VTN: variants seen among roughly 807,000 people sequenced by gnomAD.
The protein encoded by VTN is vitronectin.
Under a neutral mutation model 55.9 loss-of-function variants are expected in VTN, and 45 were observed. The ratio of observed to expected loss-of-function variants is 0.80; its 90% CI spans 0.63 to 1.03. VTN has a LOEUF of 1.03. Among genes scored for constraint, VTN ranks in the 50% least tolerant of loss-of-function variants. The pLI is 0.00. For missense variants in VTN, 589 were observed against 638.2 expected, an observed-to-expected ratio of 0.92 and a Z score of 0.83; for synonymous variants, 238 against 242.3, an observed-to-expected ratio of 0.98 and a Z score of 0.17.
At chr17:28,368,844 G>T in intron 5 of VTN, 28 bp downstream of exon 5, 1 of 1,613,296 alleles carries the variant, frequency 6.2e-7, no homozygotes, top group Non-Finnish European at 8.5e-7. Context: ...TCCACTGCCT[G>T]CTCAGTCTCC....
In VTN at chr17:28,369,726, C is replaced by G. The variant is rs782515931; in HGVS notation, c.310G>C (p.Ala104Pro). 2 of 1,613,920 alleles carry G rather than the reference C, an allele frequency of 1.2e-6. No individual in the cohort carries two copies. Among genetic ancestry groups the G allele is most frequent in the Non-Finnish European group, 1.7e-6 (2 of 1,180,012 alleles). The change falls in exon 3 of 8, where the codon GCC becomes CCC. Residue 104 changes from alanine (A) to proline (P), a missense_variant. Physicochemically the swap from Ala to Pro is conservative, Grantham distance 27. This residue lies in a region of VTN where 217 missense variants were observed against 241.3 expected (regional missense o/e 0.90). Coordinates refer to ENST00000226218, the MANE Select transcript of VTN (RefSeq NM_000638.4). This position sits in a 1 kb window ranked among gnomAD's most constrained non-coding sequence, Gnocchi z 5.3. Reference protein sequence around the residue: ...GGPSLTSDLQAQSKGNPEQTP... With the variant: ...GGPSLTSDLQPQSKGNPEQTP... ...TGCTCAGGATTCCCTTTGGACTGGG[C>G]CTGGAGGTCAGAGGTCAGGGAGGGG... is the stretch of plus-strand genomic sequence containing the variant.
rs782005192 is a variant in VTN at position 28,369,541 on chromosome 17, G to T, written c.495C>A (p.Thr165=). ...LCSGKPFDAF[T]DLKNGSLFAF... ...CAAAGAGGGAACCGTTCTTGAGGTC[G>T]GTGAAGGCGTCGAAGGGCTTCCCAC... Residue 165 remains threonine, a synonymous_variant, in exon 3 of 8, where the codon ACC becomes ACA. Transcript: ENST00000226218. This position sits in a 1 kb window ranked among gnomAD's most constrained non-coding sequence, Gnocchi z 5.3. 1 of 1,609,522 alleles carries T rather than the reference G, an allele frequency of 6.2e-7. No homozygotes were observed. The highest frequency in any genetic ancestry group is 1.3e-5 in the African/African-American group (1 of 74,838).
Position 28,369,868 on chromosome 17 carries a change from G to A in VTN, c.185-17C>T, listed in dbSNP as rs2067937943. On this transcript the variant is annotated splice_polypyrimidine_tract_variant and intron_variant, in intron 2 of 7. Coordinates refer to ENST00000226218, the MANE Select transcript of VTN (RefSeq NM_000638.4). The surrounding 1 kb of genome is among the most constrained non-coding windows in gnomAD (Gnocchi z 5.3). ...CGCGAGTCACTGCAGAGAGTGGATG[G>A]TAGTGAGTCTCCAGCAGCAGGGGGC... The A allele has an allele frequency of 6.2e-7, 1 of 1,612,122 alleles. No individual in the cohort carries two copies. The highest frequency in any genetic ancestry group is 1.1e-5 in the South Asian group (1 of 91,070).
In VTN at chr17:28,367,782, GTCA is replaced by G; in HGVS notation, c.1254_1256del (p.Asp419del). 1 of 1,614,170 alleles carries G rather than the reference GTCA, an allele frequency of 6.2e-7. No homozygotes were observed. The highest frequency in any genetic ancestry group is 8.5e-7 in the Non-Finnish European group (1 of 1,180,050). The stretch of plus-strand genomic sequence containing the variant: ...CAGGCACAAGCCAGTCCATCCTGTA[GTCA>G]TCATAGTTGTTGGCTCCCAAGTTGC... On this transcript the variant is annotated inframe_deletion, in exon 7 of 8. Transcript: ENST00000226218.
Position 28,367,866 on chromosome 17 carries a change from C to A in VTN, c.1173G>T (p.Gln391His). The part of the protein sequence containing the change: ...SQRGHSRGRN[Q>H]NSRRPSRATW... ...TGGCGCGGGATGGCCGGCGGGAGTT[C>A]TGGTTGCGGCCACGGCTGTGGCCTC... Residue 391 changes from glutamine (Q) to histidine (H), a missense_variant, in exon 7 of 8, where the codon CAG becomes CAT. By Grantham distance (24) the Gln-to-His change is conservative. Coordinates refer to ENST00000226218, the MANE Select transcript of VTN (RefSeq NM_000638.4). 2 of 1,614,028 alleles carry A rather than the reference C, an allele frequency of 1.2e-6. No individual in the cohort carries two copies. The highest frequency in any genetic ancestry group is 2.2e-5 in the East Asian group (1 of 44,860).
In VTN at chr17:28,369,577, C is replaced by T. The variant is rs370834847; in HGVS notation, c.459G>A (p.Glu153=). The change falls in exon 3 of 8, where the codon GAG becomes GAA. Residue 153 remains glutamate (E), a synonymous_variant. Transcript: ENST00000226218. This position sits in a 1 kb window ranked among gnomAD's most constrained non-coding sequence, Gnocchi z 5.3. The part of the protein sequence containing the change: ...HPGRPQPPAE[E]ELCSGKPFDA... ...CGAAGGGCTTCCCACTGCACAGCTCCTCCTCTGCTGGGGGCTGAGGTCTCC... is the reference window on the plus strand; with the variant it reads ...CGAAGGGCTTCCCACTGCACAGCTCTTCCTCTGCTGGGGGCTGAGGTCTCC... 4.3e-6 allele frequency: 7 copies of T among 1,612,994 alleles called. No individual in the cohort carries two copies. The highest frequency in any genetic ancestry group is 5.9e-6 in the Non-Finnish European group (7 of 1,180,026).
In VTN at chr17:28,368,913, G is replaced by T; in HGVS notation, c.785C>A (p.Ala262Asp). ...DNVDAALALP[A>D]HSYSGRERVY... ...CCGCTCCCGGCCACTGTAGCTATGGGCAGGGAGGGCCAAGGCTGCATCCAC... is the reference window on the plus strand; with the variant it reads ...CCGCTCCCGGCCACTGTAGCTATGGTCAGGGAGGGCCAAGGCTGCATCCAC... The change falls in exon 5 of 8, where the codon GCC becomes GAC. Residue 262 changes from alanine (A) to aspartate (D), a missense_variant. This residue lies in a region of VTN where 334 missense variants were observed against 328.2 expected (regional missense o/e 1.02). Coordinates refer to ENST00000226218, the MANE Select transcript of VTN (RefSeq NM_000638.4). 6.2e-7 allele frequency: 1 copy of T among 1,612,548 alleles called. No individual in the cohort carries two copies. The highest frequency in any genetic ancestry group is 8.5e-7 in the Non-Finnish European group (1 of 1,179,584).
Position 28,369,524 on chromosome 17 carries a change from G to GAACC in VTN, c.508_511dup (p.Ser171TrpfsTer13). The GAACC allele has an allele frequency of 6.2e-7, 1 of 1,606,724 alleles. No homozygotes were observed. Among genetic ancestry groups the GAACC allele is most frequent in the Non-Finnish European group, 8.5e-7 (1 of 1,178,062 alleles). Reference sequence around the variant, plus strand: ...GGATTCACCTCGGAAGGCAAAGAGGGAACCGTTCTTGAGGTCGGTGAAGGC... The same window carrying GAACC: ...GGATTCACCTCGGAAGGCAAAGAGGGAACCAACCGTTCTTGAGGTCGGTGAAGGC... On this transcript the variant is annotated frameshift_variant, in exon 3 of 8. Coordinates refer to ENST00000226218, the MANE Select transcript of VTN (RefSeq NM_000638.4). LOFTEE classifies it high-confidence loss of function. The surrounding 1 kb of genome is among the most constrained non-coding windows in gnomAD (Gnocchi z 5.3).
rs2067933902 is a variant in VTN, at chr17:28,369,382, G to A, written c.576C>T (p.Tyr192=). The A allele has an allele frequency of 1.2e-6, 2 of 1,605,966 alleles. No individual in the cohort carries two copies. The highest frequency in any genetic ancestry group is 1.7e-6 in the Non-Finnish European group (2 of 1,173,834). ...ELDEKAVRPG[Y]PKLIRDVWGI... is the part of the protein sequence containing the mutation. ...CCCAGACATCTCGGATGAGCTTGGG[G>A]TACCCAGGCCTCACTGCCTTTTCGT... The change falls in exon 4 of 8, where the codon TAC becomes TAT. Residue 192 remains tyrosine (Y), a synonymous_variant. Coordinates refer to ENST00000226218, the MANE Select transcript of VTN (RefSeq NM_000638.4). The surrounding 1 kb of genome is among the most constrained non-coding windows in gnomAD (Gnocchi z 5.3).
At position 28,369,696 on chromosome 17, in the gene VTN, G is replaced by T; in HGVS notation, c.340C>A (p.Pro114Thr). The T allele has an allele frequency of 1.2e-6, 2 of 1,613,828 alleles. No homozygotes were observed. The highest frequency in any genetic ancestry group is 2.2e-5 in the East Asian group (1 of 44,872). Residue 114 changes from proline to threonine, a missense_variant, in exon 3 of 8, where the codon CCT (proline) becomes ACT (threonine). Physicochemically the swap from Pro to Thr is conservative, Grantham distance 38. This residue lies in a region of VTN where 217 missense variants were observed against 241.3 expected (regional missense o/e 0.90). Transcript: ENST00000226218. The surrounding 1 kb of genome is among the most constrained non-coding windows in gnomAD (Gnocchi z 5.3). The stretch of plus-strand genomic sequence containing the variant: ...GCCTCTTCCTCAGGTTTCAGAACAG[G>T]TGTCTGCTCAGGATTCCCTTTGGAC... ...AQSKGNPEQT[P>T]VLKPEEEAPA...
chr17:28,368,106 T>A, intron 6 of VTN, 47 bp from the exon 7 acceptor site: 21 of 1,494,328 alleles, frequency 1.4e-5, no homozygotes, highest in Non-Finnish European at 1.9e-5. Context: ...GTCCGAATCT[T>A]GCCCCTTCCA....
rs782168976 is a variant in VTN at position 28,369,846 on chromosome 17, G to C, written c.190C>G (p.Arg64Gly). The change falls in exon 3 of 8, where the codon CGC (arginine) becomes GGC (glycine). Residue 64 changes from arginine to glycine, a missense_variant. By Grantham distance (125) the Arg-to-Gly change is moderately radical. Transcript: ENST00000226218. This position sits in a 1 kb window ranked among gnomAD's most constrained non-coding sequence, Gnocchi z 5.3. ...YTAECKPQVT[R>G]GDVFTMPEDE... Reference sequence around the variant, plus strand: ...TCCGGCATAGTGAACACATCCCCGCGAGTCACTGCAGAGAGTGGATGGTAG... The same window carrying C: ...TCCGGCATAGTGAACACATCCCCGCCAGTCACTGCAGAGAGTGGATGGTAG... 2 of 1,612,328 alleles carry C rather than the reference G, an allele frequency of 1.2e-6. No homozygotes were observed. Among genetic ancestry groups the C allele is most frequent in the Non-Finnish European group, 1.7e-6 (2 of 1,178,710 alleles).
Position 28,370,211 on chromosome 17 carries a change from C to T in VTN, c.-8G>A. On this transcript the variant is annotated 5_prime_UTR_variant, in exon 1 of 8. Transcript: ENST00000226218. ...GGGTCTCAGGGGTGCCATGGCAGGGCTTCTAGCTCAGTGCCTGGCAAGCTG... is the reference window on the plus strand; with the variant it reads ...GGGTCTCAGGGGTGCCATGGCAGGGTTTCTAGCTCAGTGCCTGGCAAGCTG... 1 of 1,610,678 alleles carries T rather than the reference C, an allele frequency of 6.2e-7. No homozygotes were observed. The highest frequency in any genetic ancestry group is 8.5e-7 in the Non-Finnish European group (1 of 1,177,858).
rs782242149 is a variant in VTN, at chr17:28,370,047, CTA to C, written c.65-3_65-2del. 1.2e-6 allele frequency: 2 copies of C among 1,614,140 alleles called. No individual in the cohort carries two copies. Among genetic ancestry groups the C allele is most frequent in the Non-Finnish European group, 1.7e-6 (2 of 1,180,018 alleles). On this transcript the variant is annotated splice_acceptor_variant and splice_polypyrimidine_tract_variant and intron_variant, in intron 1 of 7. Transcript: ENST00000226218. LOFTEE classifies it high-confidence loss of function. ...TCAGTGCAGCGGCCCTTGCATGACT[CTA>C]TGAGGAAGGAGTGTCAGTCGGTGCC...
chr17:28,368,872 C>G lies in VTN; in HGVS notation c.826G>C (p.Gly276Arg), dbSNP rs1167385235. Residue 276 changes from glycine to arginine, a missense_variant and splice_region_variant, in exon 5 of 8, where the codon GGG becomes CGG. Transcript: ENST00000226218. ...CAGTCTCCCACCACCCCCTGAGTAC[C>G]CTTGAAGAAGTAGACCCGCTCCCGG... ...SGRERVYFFK[G>R]KQYWEYQFQH... 6.2e-7 allele frequency: 1 copy of G among 1,613,660 alleles called. No homozygotes were observed. The highest frequency in any genetic ancestry group is 1.3e-5 in the African/African-American group (1 of 74,882).
chr17:28,370,231 A>G lies in VTN; in HGVS notation c.-28T>C. ...CAGGGCTTCTAGCTCAGTGCCTGGC[A>G]AGCTGGGCTCTGGTCTCCCTGAAGT... On this transcript the variant is annotated 5_prime_UTR_variant, in exon 1 of 8. Coordinates refer to ENST00000226218, the MANE Select transcript of VTN (RefSeq NM_000638.4). The G allele has an allele frequency of 6.2e-7, 1 of 1,601,310 alleles. No individual in the cohort carries two copies. The highest frequency in any genetic ancestry group is 2.2e-5 in the East Asian group (1 of 44,696).
chr17:28,367,487 A>G lies in VTN; in HGVS notation c.1325-6T>C, dbSNP rs782047880. 6 of 1,612,472 alleles carry G rather than the reference A, an allele frequency of 3.7e-6. No homozygotes were observed. The highest frequency in any genetic ancestry group is 4.2e-6 in the Non-Finnish European group (5 of 1,179,040). ...ATTGACTCGGTAGTACTTGTCTGGA[A>G]GAGAGGAAAGCAGAGGATGCGTGAG... On this transcript the variant is annotated splice_polypyrimidine_tract_variant and splice_region_variant and intron_variant, in intron 7 of 7. Coordinates refer to ENST00000226218, the MANE Select transcript of VTN (RefSeq NM_000638.4).
chr17:28,367,293 A>G lies in VTN; in HGVS notation c.*76T>C, dbSNP rs2067912797. Reference sequence around the variant, plus strand: ...AACAATAATTTTAAACTCGGGGCTAAGGGACCTTTATTGGGCTGGGGGAAG... The same window carrying G: ...AACAATAATTTTAAACTCGGGGCTAGGGGACCTTTATTGGGCTGGGGGAAG... On this transcript the variant is annotated 3_prime_UTR_variant, in exon 8 of 8. Transcript: ENST00000226218. The G allele has an allele frequency of 1.1e-5, 11 of 1,006,400 alleles. No homozygotes were observed. In the Admixed American group the frequency reaches 2.9e-4, roughly 27 times the overall value. 62.3% of individuals were successfully genotyped at this position (1,006,400 alleles called of 1,614,324 possible). A position where few individuals can be genotyped will look rare whatever the true frequency, so the allele number is the denominator to read the frequency against.
chr17:28,367,529 C>A, intron 7 of VTN, 48 bp from the exon 8 acceptor site: 1 of 1,531,504 alleles, frequency 6.5e-7, no homozygotes, highest in Non-Finnish European at 9.0e-7. Flanking sequence ...CCTGGCCCTG[C>A]CCACTCTTCC....
Sources: gnomAD v4.1 joint callset for allele counts on GRCh38, gnomAD v4.1.1 for gene constraint, gnomAD v4.1.1 regional missense constraint, Gnocchi (gnomAD v3.1) non-coding constraint, MANE v1.5 for transcripts, NCBI Gene and HGNC (gene_info 2026-07-23, HGNC 2026-07-21) for gene names.